CCND3: variants seen among roughly 807,000 people sequenced by gnomAD.
The protein encoded by CCND3 is cyclin D3.
A neutral mutation model predicts 28.7 loss-of-function variants in CCND3; 9 were observed. The observed-to-expected ratio is 0.31, with a 90% CI of 0.19 to 0.55. The LOEUF (loss-of-function observed/expected upper bound fraction) is 0.55, where lower values mean the gene tolerates loss of function less well. Ranked by LOEUF, CCND3 falls within the 20% of genes least tolerant of loss-of-function variation. The pLI, the probability that CCND3 is intolerant of heterozygous loss-of-function variation, is 0.93. For missense variants in CCND3, 315 were observed against 385.8 expected (o/e 0.82, Z 1.54); for synonymous variants, 164 against 163.9 (o/e 1.00, Z 0.00).
chr6:42,003,505 AC>A (rs1423180164), intron 1 of CCND3, among the ~76,000 whole-genome samples: 7 of 118,656 alleles, frequency 5.9e-5, no homozygotes, highest in East Asian at 2.8e-4. Flanking sequence ...AGCCTGGGCA[AC>A]CAGAGTGAGA....
intron 1 of CCND3, among the ~76,000 whole-genome samples, chr6:42,030,534 G>T (rs1764013861): frequency 6.6e-6 from 1 of 152,102 alleles, no homozygotes; most frequent in Non-Finnish European, 1.5e-5. Flanking sequence ...GGAGGGCAAG[G>T]CCCACCCACA....
chr6:42,031,491 C>G (rs920681057), intron 1 of CCND3: 3 of 152,168 alleles, frequency 2.0e-5, no homozygotes, highest in Non-Finnish European at 4.4e-5. Context: ...ACTTTACTCT[C>G]GGCACCTACT....
At chr6:42,027,430 G>A (rs991394432) in intron 1 of CCND3, among the ~76,000 whole-genome samples, 82 of 112,162 alleles carry the variant, frequency 7.3e-4, no homozygotes, top group Middle Eastern at 8.7e-3. Flanking sequence ...AGAGAGCGAG[G>A]CTCCATCTCA....
chr6:42,010,408 C>T lies in CCND3; in HGVS notation c.-46+38093G>A, dbSNP rs1023583717. On this transcript the variant is annotated intron_variant, in intron 1 of 4. Coordinates refer to the CCND3 transcript ENST00000372988. ...AGGGGGAGGAAATGGGATGTGGCTT[C>T]ATGTGGCTGGGTTGGGGGAGGGAGT... Among the ~76,000 whole-genome samples, 4 of 152,034 alleles carry T rather than the reference C, an allele frequency of 2.6e-5. No homozygotes were observed. In the South Asian group the frequency reaches 6.2e-4, roughly 24 times the overall value.
chr6:41,963,029 G>A (rs1011587857), intron 1 of CCND3, among the ~76,000 whole-genome samples: 2 of 152,228 alleles, frequency 1.3e-5, no homozygotes, highest in Non-Finnish European at 2.9e-5. Flanking sequence ...GGGATTACAG[G>A]CATGAGCCAC....
chr6:42,025,656 C>T (rs1019270027), intron 1 of CCND3, among the ~76,000 whole-genome samples: 7 of 152,196 alleles, frequency 4.6e-5, no homozygotes, highest in Non-Finnish European at 8.8e-5. Context: ...CCCACGATGG[C>T]GGGCTCAGAG....
chr6:41,945,830 A>T (rs746817753), upstream of CCND3, among the ~76,000 whole-genome samples: 194 of 152,274 alleles, frequency 1.3e-3, 1 homozygote, highest in Middle Eastern at 3.4e-3. Context: ...CAAGCAGAAA[A>T]TGTCTTACCT....
Position 41,936,676 on chromosome 6 carries a change from G to A in CCND3, c.594C>T (p.Tyr198=), listed in dbSNP as rs762537625. 6.2e-7 allele frequency: 1 copy of A among 1,614,110 alleles called. No individual in the cohort carries two copies. Among genetic ancestry groups the A allele is most frequent in the Non-Finnish European group, 8.5e-7 (1 of 1,179,990 alleles). ...LCATDYTFAM[Y]PPSMIATGSI... is the part of the protein sequence containing the mutation. The stretch of plus-strand genomic sequence containing the variant: ...TGCCCGTGGCGATCATGGATGGCGG[G>A]TACATGGCAAAGGTATAATCTTGGA... The change falls in exon 4 of 5, where the codon TAC becomes TAT. Residue 198 remains tyrosine, a synonymous_variant. Coordinates refer to ENST00000372991, the MANE Select transcript of CCND3 (RefSeq NM_001760.5). This position sits in a 1 kb window ranked among gnomAD's most constrained non-coding sequence, Gnocchi z 4.4.
At chr6:41,942,981 C>G (rs889917435), upstream of CCND3, among the ~76,000 whole-genome samples, 2 of 144,942 alleles carry the variant, frequency 1.4e-5, no homozygotes, top group African/African-American at 5.2e-5. Flanking sequence ...CGGGTTCAAG[C>G]AATTCCCGAG....
chr6:42,024,866 C>T (rs1377555688), intron 1 of CCND3, among the ~76,000 whole-genome samples: 1 of 152,134 alleles, frequency 6.6e-6, no homozygotes, highest in Non-Finnish European at 1.5e-5. Context: ...CGAGACCAGC[C>T]TGACTAATAG....
At chr6:41,982,362 G>A (rs1162118818) in intron 1 of CCND3, among the ~76,000 whole-genome samples, 1 of 151,532 alleles carries the variant, frequency 6.6e-6, no homozygotes, top group Admixed American at 6.6e-5. Context: ...ATGTACATTA[G>A]AACCCCTAAA....
At chr6:41,954,067 A>G (rs1031885303) in intron 1 of CCND3, among the ~76,000 whole-genome samples, 36 of 151,584 alleles carry the variant, frequency 2.4e-4, no homozygotes, top group African/African-American at 7.7e-4. Flanking sequence ...CCTGGCCAAC[A>G]TGGCAAAACC....
intron 1 of CCND3, among the ~76,000 whole-genome samples, chr6:42,042,843 G>A (rs975245154): frequency 2.6e-5 from 4 of 151,424 alleles, no homozygotes; most frequent in Admixed American, 6.6e-5. Flanking sequence ...GAGAGGTGGG[G>A]TCTATAGTTA....
chr6:41,988,625 T>G lies in CCND3; in HGVS notation c.-45-48040A>C. ...ACATGGCCATGGCCTCTTGGCCTCATGGGGGATGGCTTTTTAGATATAATG... is the reference window on the plus strand; with the variant it reads ...ACATGGCCATGGCCTCTTGGCCTCAGGGGGGATGGCTTTTTAGATATAATG... On this transcript the variant is annotated intron_variant, in intron 1 of 4. Coordinates refer to the CCND3 transcript ENST00000372988. 1.3e-5 allele frequency among the ~76,000 whole-genome samples: 2 copies of G among 151,778 alleles called. 1 individual carries two copies. Among genetic ancestry groups the G allele is most frequent in the Non-Finnish European group, 2.9e-5 (2 of 67,970 alleles).
Position 41,935,835 on chromosome 6 carries a change from A to AGTTT in CCND3, c.*104_*105insAAAC. On this transcript the variant is annotated 3_prime_UTR_variant, in exon 5 of 5. Coordinates refer to ENST00000372991, the MANE Select transcript of CCND3 (RefSeq NM_001760.5). The stretch of plus-strand genomic sequence containing the variant: ...CCCTTGGGCTTTGTGAAGGGGGAAC[A>AGTTT]GACGCCCCTTCAGGCTTAGATGTGG... 9.0e-7 allele frequency: 1 copy of AGTTT among 1,106,024 alleles called. No homozygotes were observed. The highest frequency in any genetic ancestry group is 1.3e-5 in the South Asian group (1 of 75,212). 68.5% of individuals were successfully genotyped at this position (1,106,024 alleles called of 1,614,324 possible).
At chr6:41,981,923 C>G (rs1011437106) in intron 1 of CCND3, among the ~76,000 whole-genome samples, 2 of 152,074 alleles carry the variant, frequency 1.3e-5, no homozygotes, top group African/African-American at 2.4e-5. Context: ...ATTGCTTGAG[C>G]CCAGAAGGTT....
At chr6:41,937,487 A>G (rs911575920) in intron 2 of CCND3, 93 bp from the exon 3 acceptor site, 3 of 1,497,260 alleles carry the variant, frequency 2.0e-6, no homozygotes, top group Non-Finnish European at 2.7e-6. Flanking sequence ...AGGGAAGCCC[A>G]TCAAACTTTT....
At chr6:42,024,274 G>A (rs1420765149) in intron 1 of CCND3, among the ~76,000 whole-genome samples, 1 of 151,968 alleles carries the variant, frequency 6.6e-6, no homozygotes, top group Non-Finnish European at 1.5e-5. Context: ...ATGTTGGCGG[G>A]CACCTGTAGT....
chr6:42,027,597 C>G (rs1183234938), intron 1 of CCND3, among the ~76,000 whole-genome samples: 1 of 152,186 alleles, frequency 6.6e-6, no homozygotes, highest in African/African-American at 2.4e-5. Flanking sequence ...CCACTGTACT[C>G]AGGCCAACCC....
Sources: allele counts gnomAD v4.1 joint callset (sites outside exome capture counted in the v4.1 genomes callset), GRCh38; gene constraint gnomAD v4.1.1; non-coding constraint Gnocchi (gnomAD v3.1); transcripts MANE v1.5; gene names NCBI Gene and HGNC (gene_info 2026-07-23, HGNC 2026-07-21).